The following LY6G6C variants were observed in gnomAD, a reference collection of about 807,000 sequenced individuals.
LY6G6C encodes the protein lymphocyte antigen 6 complex locus protein G6c.
Under a neutral mutation model 12.8 loss-of-function variants are expected in LY6G6C, and 12 were observed. The observed-to-expected ratio is 0.94, with a 90% CI of 0.60 to 1.52. The LOEUF (loss-of-function observed/expected upper bound fraction) is 1.52. Ranked by LOEUF, LY6G6C falls within the 40% of genes most tolerant of loss-of-function variation. The probability of loss-of-function intolerance (pLI) is 0.00; values close to 1 mark genes in which losing one functional copy is unlikely to be tolerated. For synonymous variants in LY6G6C, 42 were observed against 61.6 expected, an observed-to-expected ratio of 0.68 and a Z score of 1.49; for missense variants, 125 against 155.8, an observed-to-expected ratio of 0.80 and a Z score of 1.05.
rs1249782931 is a variant in LY6G6C at position 31,718,766 on chromosome 6, G to T, written c.*330C>A. The T allele has an allele frequency of 4.7e-6, 2 of 428,976 alleles. No individual in the cohort carries two copies. Among genetic ancestry groups the T allele is most frequent in the Non-Finnish European group, 8.4e-6 (2 of 238,350 alleles). 26.6% of individuals were successfully genotyped at this position (428,976 alleles called of 1,614,324 possible). ...CAGTGAGGTCATCAGGTCCTTGTGG[G>T]AGCCTTCACTGGGGACAACACAGAA... On this transcript the variant is annotated 3_prime_UTR_variant, in exon 3 of 3. Transcript: ENST00000375819.
In LY6G6C at chr6:31,721,715, C is replaced by A. The variant is rs1247150568; in HGVS notation, c.-36G>T. 6.2e-7 allele frequency: 1 copy of A among 1,610,050 alleles called. No individual in the cohort carries two copies. The highest frequency in any genetic ancestry group is 8.5e-7 in the Non-Finnish European group (1 of 1,176,540). ...CTGAGAATGGTGGCAACCACAGCAGCTGATAGAGTAGATTTTCAAGGATCC... is the reference window on the plus strand; with the variant it reads ...CTGAGAATGGTGGCAACCACAGCAGATGATAGAGTAGATTTTCAAGGATCC... On this transcript the variant is annotated 5_prime_UTR_variant, in exon 1 of 3. Coordinates refer to ENST00000375819, the MANE Select transcript of LY6G6C (RefSeq NM_025261.3).
rs1256697579 is a variant in LY6G6C at position 31,718,797 on chromosome 6, A to C, written c.*299T>G. ...TCACTGGGGACAACACAGAAGCCCC[A>C]TTTCAGGCCCAGATCCCAATCCCTC... On this transcript the variant is annotated 3_prime_UTR_variant, in exon 3 of 3. Transcript: ENST00000375819. 1.0e-5 allele frequency: 5 copies of C among 488,230 alleles called. No individual in the cohort carries two copies. Among genetic ancestry groups the C allele is most frequent in the Non-Finnish European group, 1.8e-5 (5 of 273,420 alleles). The allele number at this position is 488,230 out of a possible 1,614,324, so 30.2% of individuals were successfully genotyped here.
Position 31,720,299 on chromosome 6 carries a change from A to C in LY6G6C, c.53-96T>G, listed in dbSNP as rs1806714268. ...AGGGGTGGAGGGTGGAGAAGAGCCC[A>C]TCCCGTAGGTGCTCCAACCTGTTTG... On this transcript the variant is annotated intron_variant, in intron 1 of 2. Transcript: ENST00000375819. The surrounding 1 kb of genome is among the most constrained non-coding windows in gnomAD (Gnocchi z 4.9). 1 of 805,560 alleles carries C rather than the reference A, an allele frequency of 1.2e-6. No homozygotes were observed. Among genetic ancestry groups the C allele is most frequent in the Admixed American group, 2.1e-5 (1 of 47,904 alleles). The allele number at this position is 805,560 out of a possible 1,614,324, so 49.9% of individuals were successfully genotyped here.
At position 31,718,784 on chromosome 6, in the gene LY6G6C, A is replaced by G. The variant is rs1265949390; in HGVS notation, c.*312T>C. 1 of 472,240 alleles carries G rather than the reference A, an allele frequency of 2.1e-6. No homozygotes were observed. The highest frequency in any genetic ancestry group is 3.8e-6 in the Non-Finnish European group (1 of 263,768). 29.3% of individuals were successfully genotyped at this position (472,240 alleles called of 1,614,324 possible). On this transcript the variant is annotated 3_prime_UTR_variant, in exon 3 of 3. Transcript: ENST00000375819. ...CTTGTGGGAGCCTTCACTGGGGACAACACAGAAGCCCCATTTCAGGCCCAG... is the reference window on the plus strand; with the variant it reads ...CTTGTGGGAGCCTTCACTGGGGACAGCACAGAAGCCCCATTTCAGGCCCAG...
intron 1 of LY6G6C, 60 bp downstream of exon 1, chr6:31,721,568 G>A: frequency 6.6e-7 from 1 of 1,526,460 alleles, no homozygotes; most frequent in Non-Finnish European, 9.1e-7. Flanking sequence ...GAAGTGGGTA[G>A]AGCAGGGTGT....
chr6:31,719,659 C>G (rs948909652), intron 2 of LY6G6C, among the ~76,000 whole-genome samples: 1 of 152,142 alleles, frequency 6.6e-6, no homozygotes, highest in African/African-American at 2.4e-5. Context: ...GCCTCAGCCT[C>G]CCGAGTAGCT....
In LY6G6C at chr6:31,719,232, C is replaced by T. The variant is rs538733367; in HGVS notation, c.242G>A (p.Arg81His). 129 of 1,614,158 alleles carry T rather than the reference C, an allele frequency of 8.0e-5. No homozygotes were observed. The highest frequency in any genetic ancestry group is 4.9e-4 in the Middle Eastern group (3 of 6,062). Residue 81 changes from arginine to histidine, a missense_variant, in exon 3 of 3, where the codon CGC becomes CAC. Arg to His is a conservative substitution (Grantham distance 29). Coordinates refer to ENST00000375819, the MANE Select transcript of LY6G6C (RefSeq NM_025261.3). ...GGTGTTATATGTCAGACCCAGCTTG[C>T]GGTTGGTTTGGTTGAAGGCCTCCTG... is the stretch of plus-strand genomic sequence containing the variant. ...PCQEAFNQTNRKLGLTYNTTC... is the reference protein window; with the variant it reads ...PCQEAFNQTNHKLGLTYNTTC...
At chr6:31,719,875 A>AT (rs756803540) in intron 2 of LY6G6C, among the ~76,000 whole-genome samples, 12 of 152,150 alleles carry the variant, frequency 7.9e-5, no homozygotes, top group Non-Finnish European at 1.8e-4. Context: ...TCTCAGTATA[A>AT]TAATAGCACC....
chr6:31,718,980 A>G lies in LY6G6C; in HGVS notation c.*116T>C. The G allele has an allele frequency of 1.2e-6, 1 of 848,154 alleles. No individual in the cohort carries two copies. The highest frequency in any genetic ancestry group is 1.9e-6 in the Non-Finnish European group (1 of 525,280). 52.5% of individuals were successfully genotyped at this position (848,154 alleles called of 1,614,324 possible). ...AGGAGACCACTCGGAACAGTGTTTA[A>G]TTAAAGAAATGGGAGCTAGGGAGAG... On this transcript the variant is annotated 3_prime_UTR_variant, in exon 3 of 3. Coordinates refer to ENST00000375819, the MANE Select transcript of LY6G6C (RefSeq NM_025261.3).
chr6:31,718,795 C>T lies in LY6G6C; in HGVS notation c.*301G>A, dbSNP rs879910631. The T allele has an allele frequency of 5.2e-5, 25 of 484,896 alleles. No homozygotes were observed. The highest frequency in any genetic ancestry group is 4.0e-4 in the African/African-American group (21 of 52,482). 30.0% of individuals were successfully genotyped at this position (484,896 alleles called of 1,614,324 possible). On this transcript the variant is annotated 3_prime_UTR_variant, in exon 3 of 3. Transcript: ENST00000375819. ...CTTCACTGGGGACAACACAGAAGCC[C>T]CATTTCAGGCCCAGATCCCAATCCC...
intron 2 of LY6G6C, among the ~76,000 whole-genome samples, 179 bp downstream of exon 2, chr6:31,719,914 T>C (rs1583807131): frequency 6.6e-6 from 1 of 152,178 alleles, no homozygotes; most frequent in Non-Finnish European, 1.5e-5. Flanking sequence ...TGAACATTAA[T>C]TGAAAAAAAG....
At position 31,720,545 on chromosome 6, in the gene LY6G6C, G is replaced by A. The variant is rs1043815080; in HGVS notation, c.53-342C>T. On this transcript the variant is annotated intron_variant, in intron 1 of 2. Transcript: ENST00000375819. This position sits in a 1 kb window ranked among gnomAD's most constrained non-coding sequence, Gnocchi z 4.9. ...GAGGAAGATACCATGGGGAAAGAAT[G>A]TGGATGGTGAAGGAGGAGATGGAAA... is the stretch of plus-strand genomic sequence containing the variant. Among the ~76,000 whole-genome samples, 1 of 152,180 alleles carries A rather than the reference G, an allele frequency of 6.6e-6. No individual in the cohort carries two copies. Among genetic ancestry groups the A allele is most frequent in the Non-Finnish European group, 1.5e-5 (1 of 68,026 alleles).
At chr6:31,721,500 G>A in intron 1 of LY6G6C, 128 bp downstream of exon 1, 1 of 761,222 alleles carries the variant, frequency 1.3e-6, no homozygotes, top group East Asian at 2.7e-5. Flanking sequence ...GGTGGCACAG[G>A]AGAGCTGAGC....
rs146065888 is a variant in LY6G6C, at chr6:31,719,233, G to T, written c.241C>A (p.Arg81Ser). 3.1e-6 allele frequency: 5 copies of T among 1,614,070 alleles called. No individual in the cohort carries two copies. The African/African-American group carries it at 4.0e-5, about 13-fold the overall frequency. ...PCQEAFNQTNRKLGLTYNTTC... is the reference protein window; with the variant it reads ...PCQEAFNQTNSKLGLTYNTTC... Reference sequence around the variant, plus strand: ...GTGTTATATGTCAGACCCAGCTTGCGGTTGGTTTGGTTGAAGGCCTCCTGA... The same window carrying T: ...GTGTTATATGTCAGACCCAGCTTGCTGTTGGTTTGGTTGAAGGCCTCCTGA... The change falls in exon 3 of 3, where the codon CGC (arginine) becomes AGC (serine). Residue 81 changes from arginine (R) to serine (S), a missense_variant. Arg to Ser is a moderately radical substitution (Grantham distance 110, BLOSUM62 -1). Transcript: ENST00000375819.
In LY6G6C at chr6:31,718,840, AG is replaced by A. The variant is rs1416540393; in HGVS notation, c.*255del. Reference sequence around the variant, plus strand: ...AATCCCTCCTCAAGTAGGGGACAGCAGAGTATAGGAAGCAAAGTGGGGAGCC... The same window carrying A: ...AATCCCTCCTCAAGTAGGGGACAGCAAGTATAGGAAGCAAAGTGGGGAGCC... On this transcript the variant is annotated 3_prime_UTR_variant, in exon 3 of 3. Transcript: ENST00000375819. 1.8e-6 allele frequency: 1 copy of A among 554,778 alleles called. No individual in the cohort carries two copies. Among genetic ancestry groups the A allele is most frequent in the Non-Finnish European group, 3.2e-6 (1 of 311,506 alleles). 34.4% of individuals were successfully genotyped at this position (554,778 alleles called of 1,614,324 possible).
In LY6G6C at chr6:31,718,825, C is replaced by G; in HGVS notation, c.*271G>C. 1 of 524,022 alleles carries G rather than the reference C, an allele frequency of 1.9e-6. No individual in the cohort carries two copies. Among genetic ancestry groups the G allele is most frequent in the South Asian group, 3.1e-5 (1 of 32,168 alleles). The allele number at this position is 524,022 out of a possible 1,614,324, so 32.5% of individuals were successfully genotyped here. A position where few individuals can be genotyped will look rare whatever the true frequency, so the allele number is the denominator to read the frequency against. On this transcript the variant is annotated 3_prime_UTR_variant, in exon 3 of 3. Transcript: ENST00000375819. Reference sequence around the variant, plus strand: ...TCAGGCCCAGATCCCAATCCCTCCTCAAGTAGGGGACAGCAGAGTATAGGA... The same window carrying G: ...TCAGGCCCAGATCCCAATCCCTCCTGAAGTAGGGGACAGCAGAGTATAGGA...
chr6:31,718,884 A>T lies in LY6G6C; in HGVS notation c.*212T>A. On this transcript the variant is annotated 3_prime_UTR_variant, in exon 3 of 3. Transcript: ENST00000375819. ...GGGGAGCCCTTCTAGGAGCCAATGG[A>T]GGTCCTGGAAGGAAGTGGGAAGGGA... 1.7e-6 allele frequency: 1 copy of T among 584,834 alleles called. No homozygotes were observed. Among genetic ancestry groups the T allele is most frequent in the Non-Finnish European group, 3.0e-6 (1 of 328,882 alleles). 36.2% of individuals were successfully genotyped at this position (584,834 alleles called of 1,614,324 possible).
rs1466645977 is a variant in LY6G6C, at chr6:31,719,288, A to G, written c.186T>C (p.Asn62=). ...GCTCTTCTGGTGTGCCACAGCGCAGATTGGAGAAAACCCACATCTTACCTA... is the reference window on the plus strand; with the variant it reads ...GCTCTTCTGGTGTGCCACAGCGCAGGTTGGAGAAAACCCACATCTTACCTA... ...AYLGKMWVFS[N]LRCGTPEEPC... is the part of the protein sequence containing the mutation. The change falls in exon 3 of 3, where the codon AAT becomes AAC. Residue 62 remains asparagine (N), a synonymous_variant. Transcript: ENST00000375819. 6.2e-7 allele frequency: 1 copy of G among 1,614,160 alleles called. No individual in the cohort carries two copies. The highest frequency in any genetic ancestry group is 1.1e-5 in the South Asian group (1 of 91,084).
chr6:31,721,649 C>T lies in LY6G6C; in HGVS notation c.31G>A (p.Val11Ile). The T allele has an allele frequency of 3.1e-6, 5 of 1,614,008 alleles. No individual in the cohort carries two copies. The highest frequency in any genetic ancestry group is 4.2e-6 in the Non-Finnish European group (5 of 1,179,948). ...TCACCTGAGACCCAGCAGAGCAGAA[C>T]AGACAGGGTGAGCAGCATAAGGGCT... MKALMLLTLS[V>I]LLCWVSADIR... is the part of the protein sequence containing the mutation. The change falls in exon 1 of 3, where the codon GTT (valine) becomes ATT (isoleucine). Residue 11 changes from valine to isoleucine, a missense_variant. Transcript: ENST00000375819.
Sources: allele counts gnomAD v4.1 joint callset (sites outside exome capture counted in the v4.1 genomes callset), GRCh38; gene constraint gnomAD v4.1.1; non-coding constraint Gnocchi (gnomAD v3.1); transcripts MANE v1.5; gene names NCBI Gene and HGNC (gene_info 2026-07-23, HGNC 2026-07-21).